The following C19orf18 variants were observed in gnomAD, a reference collection of about 807,000 sequenced individuals.
The protein encoded by C19orf18 is uncharacterized protein C19orf18.
In C19orf18, 21 loss-of-function variants were observed where a neutral mutation model predicts 23.3. The observed-to-expected ratio is 0.90, with a 90% CI of 0.64 to 1.30. The LOEUF (loss-of-function observed/expected upper bound fraction) is 1.30. Among genes scored for constraint, C19orf18 ranks in the 50% most tolerant of loss-of-function variants. The probability of loss-of-function intolerance (pLI) is 0.00; values close to 1 mark genes in which losing one functional copy is unlikely to be tolerated. For missense variants in C19orf18, 249 were observed against 259.6 expected, an observed-to-expected ratio of 0.96 and a Z score of 0.28; for synonymous variants, 96 against 95.2, an observed-to-expected ratio of 1.01 and a Z score of -0.05.
chr19:57,965,983 C>CTT (rs778626671), intron 4 of C19orf18, among the ~76,000 whole-genome samples: 1 of 141,400 alleles, frequency 7.1e-6, no homozygotes. Flanking sequence ...TTTTCTTTTT[C>CTT]TTTTTTTTTT....
rs1310042084 is a variant in C19orf18 at position 57,961,415 on chromosome 19, C to A, written c.508G>T (p.Glu170Ter). Reference protein sequence around the residue: ...STHLLPENENELEKFIHSVII... With the variant: ...STHLLPENEN Reference sequence around the variant, plus strand: ...CCTGAGTGGATGAACTTTTCCAGCTCATTTTCGTTCTCTGGAAGTAGGTGC... The same window carrying A: ...CCTGAGTGGATGAACTTTTCCAGCTAATTTTCGTTCTCTGGAAGTAGGTGC... The change falls in exon 5 of 6, where the codon GAG becomes TAG. Residue 170 changes from glutamate (E) to a stop codon, truncating the protein, a stop_gained. Coordinates refer to ENST00000314391, the MANE Select transcript of C19orf18 (RefSeq NM_152474.5). LOFTEE classifies it low-confidence loss of function (END_TRUNC). 1.2e-6 allele frequency: 2 copies of A among 1,613,746 alleles called. No individual in the cohort carries two copies. Among genetic ancestry groups the A allele is most frequent in the Admixed American group, 1.7e-5 (1 of 59,862 alleles).
At chr19:57,969,879 C>CCAA (rs553700610) in intron 3 of C19orf18, among the ~76,000 whole-genome samples, 3 of 121,074 alleles carry the variant, frequency 2.5e-5, no homozygotes, top group Non-Finnish European at 5.1e-5. Flanking sequence ...AACTCCATCT[C>CCAA]AAAAAAAAAA....
rs752144728 is a variant in C19orf18, at chr19:57,974,156, C to T, written c.169G>A (p.Val57Met). The T allele has an allele frequency of 1.2e-6, 2 of 1,614,136 alleles. No individual in the cohort carries two copies. Among genetic ancestry groups the T allele is most frequent in the African/African-American group, 1.3e-5 (1 of 75,030 alleles). Reference protein sequence around the residue: ...PPRNITKEPKVFFHKTQLPGI... With the variant: ...PPRNITKEPKMFFHKTQLPGI... ...GGCAACTGGGTTTTATGAAAGAACA[C>T]TTTGGGCTCTTTGGTGATGTTTCTG... Residue 57 changes from valine (V) to methionine (M), a missense_variant, in exon 2 of 6, where the codon GTG becomes ATG. Transcript: ENST00000314391.
chr19:57,961,263 G>A (rs949963124), intron 5 of C19orf18, 128 bp downstream of exon 5: 17 of 1,048,884 alleles, frequency 1.6e-5, no homozygotes, highest in East Asian at 2.5e-5. Flanking sequence ...AGAAAGGAAG[G>A]AAGAAAGAAA....
rs772721331 is a variant in C19orf18, at chr19:57,961,416, A to G, written c.507T>C (p.Asn169=). ...CTGAGTGGATGAACTTTTCCAGCTC[A>G]TTTTCGTTCTCTGGAAGTAGGTGCG... ...ESTHLLPENE[N]ELEKFIHSVI... The change falls in exon 5 of 6, where the codon AAT becomes AAC. Residue 169 remains asparagine (N), a synonymous_variant. Coordinates refer to ENST00000314391, the MANE Select transcript of C19orf18 (RefSeq NM_152474.5). 6.2e-7 allele frequency: 1 copy of G among 1,613,452 alleles called. No individual in the cohort carries two copies. The highest frequency in any genetic ancestry group is 1.7e-5 in the Admixed American group (1 of 59,832).
chr19:57,974,087 T>C lies in C19orf18; in HGVS notation c.226+12A>G, dbSNP rs746134454. The C allele has an allele frequency of 6.2e-7, 1 of 1,610,666 alleles. No homozygotes were observed. Among genetic ancestry groups the C allele is most frequent in the Non-Finnish European group, 8.5e-7 (1 of 1,177,002 alleles). On this transcript the variant is annotated intron_variant, in intron 2 of 5. Coordinates refer to ENST00000314391, the MANE Select transcript of C19orf18 (RefSeq NM_152474.5). ...ATTCTCACTCCACTGAATGAGGAAT[T>C]CAATGACTCACCCGTGGATCTCGAG...
chr19:57,958,748 G>T, intron 5 of C19orf18, 31 bp from the exon 6 acceptor site: 1 of 1,261,632 alleles, frequency 7.9e-7, no homozygotes, highest in Non-Finnish European at 1.1e-6. Context: ...TATTGAGATA[G>T]TAATAAGTGA....
At chr19:57,970,818 C>A (rs773350429) in intron 3 of C19orf18, among the ~76,000 whole-genome samples, 4 of 152,186 alleles carry the variant, frequency 2.6e-5, no homozygotes, top group African/African-American at 7.2e-5. Context: ...CCTCAGCCCC[C>A]CAAAGTGTTG....
intron 4 of C19orf18, 41 bp downstream of exon 4, chr19:57,966,489 T>A: frequency 8.0e-7 from 1 of 1,249,030 alleles, no homozygotes; most frequent in Non-Finnish European, 1.2e-6. Context: ...ACTTGTTATG[T>A]CTCATTTAAG....
At chr19:57,959,155 G>C (rs776923313) in intron 5 of C19orf18, among the ~76,000 whole-genome samples, 6 of 152,148 alleles carry the variant, frequency 3.9e-5, no homozygotes, top group Non-Finnish European at 8.8e-5. Context: ...ACTCTCTATA[G>C]TTTTCTCTCT....
chr19:57,961,259 GA>G (rs1192148241), intron 5 of C19orf18, 131 bp downstream of exon 5: 1 of 1,025,130 alleles, frequency 9.8e-7, no homozygotes, highest in Admixed American at 2.9e-5. Flanking sequence ...AGAAAGAAAG[GA>G]AGGAAGAAAG....
chr19:57,962,852 C>T (rs2072882958), intron 4 of C19orf18, among the ~76,000 whole-genome samples: 3 of 149,220 alleles, frequency 2.0e-5, no homozygotes, highest in South Asian at 4.3e-4. Flanking sequence ...AGTGAAACTC[C>T]ATCTCAAAAA....
At chr19:57,961,692 G>A in intron 4 of C19orf18, 141 bp from the exon 5 acceptor site, 1 of 888,898 alleles carries the variant, frequency 1.1e-6, no homozygotes, top group South Asian at 1.7e-5. Context: ...ACTAATCATG[G>A]TCAGCTCTCA....
chr19:57,970,644 G>A (rs776771063), intron 3 of C19orf18, among the ~76,000 whole-genome samples: 131 of 151,552 alleles, frequency 8.6e-4, no homozygotes, highest in Non-Finnish European at 1.6e-3. Context: ...GCAGTGGTGC[G>A]ATCTCTGCTC....
At chr19:57,972,640 G>T in intron 2 of C19orf18, 136 bp from the exon 3 acceptor site, 1 of 911,604 alleles carries the variant, frequency 1.1e-6, no homozygotes, top group Non-Finnish European at 1.7e-6. Flanking sequence ...GATGGGATGT[G>T]TTAATACATT....
intron 4 of C19orf18, among the ~76,000 whole-genome samples, chr19:57,962,568 T>C (rs1026833371): frequency 6.6e-6 from 1 of 152,074 alleles, no homozygotes; most frequent in Non-Finnish European, 1.5e-5. Flanking sequence ...AAAAAATACT[T>C]TTAGGGGCCA....
Position 57,958,530 on chromosome 19 carries a change from G to A in C19orf18, c.*72C>T, listed in dbSNP as rs527994707. 92 of 995,838 alleles carry A rather than the reference G, an allele frequency of 9.2e-5. No individual in the cohort carries two copies. Among genetic ancestry groups the A allele is most frequent in the Non-Finnish European group, 1.3e-4 (86 of 668,980 alleles). The allele number at this position is 995,838 out of a possible 1,614,324, so 61.7% of individuals were successfully genotyped here. Reference sequence around the variant, plus strand: ...ATAAGGTTCTCTGGGAGCAAGCCACGCCCACAGGCTCAGTCTCCCAGCACC... The same window carrying A: ...ATAAGGTTCTCTGGGAGCAAGCCACACCCACAGGCTCAGTCTCCCAGCACC... On this transcript the variant is annotated 3_prime_UTR_variant, in exon 6 of 6. Transcript: ENST00000314391.
chr19:57,968,371 G>C (rs2072922507), intron 3 of C19orf18, among the ~76,000 whole-genome samples: 2 of 152,210 alleles, frequency 1.3e-5, no homozygotes, highest in African/African-American at 4.8e-5. Flanking sequence ...AGGAAAGGGA[G>C]AGGGAATTGT....
rs139357251 is a variant in C19orf18 at position 57,958,633 on chromosome 19, G to A, written c.617C>T (p.Ala206Val). Residue 206 changes from alanine (A) to valine (V), a missense_variant, in exon 6 of 6, where the codon GCG (alanine) becomes GTG (valine). Coordinates refer to ENST00000314391, the MANE Select transcript of C19orf18 (RefSeq NM_152474.5). ...GTCTTCCATTTTTCCATTATGTGAC[G>A]CATTCTTTGTTTTGTTTTCTGTTAC... is the stretch of plus-strand genomic sequence containing the variant. ...NSVTENKTKN[A>V]SHNGKMEDL The A allele has an allele frequency of 5.8e-4, 926 of 1,607,166 alleles. 9 individuals are homozygous for A. The South Asian group carries it at 7.8e-3, about 14-fold the overall frequency.
Sources: allele counts gnomAD v4.1 joint callset (sites outside exome capture counted in the v4.1 genomes callset), GRCh38; gene constraint gnomAD v4.1.1; transcripts MANE v1.5; gene names NCBI Gene and HGNC (gene_info 2026-07-23, HGNC 2026-07-21).